Variants in SUGT1 observed in about 807,000 individuals in gnomAD.
SUGT1 encodes the protein SGT1 assembly cochaperone of MIS12 kinetochore complex.
A neutral mutation model predicts 56.1 loss-of-function variants in SUGT1; 15 were observed. The observed-to-expected ratio is 0.27, with a 90% CI of 0.18 to 0.41. SUGT1 has a LOEUF of 0.41. Ranked by LOEUF, SUGT1 falls within the 10% of genes least tolerant of loss-of-function variation. The pLI is 1.00. For missense variants in SUGT1, 347 were observed against 382.2 expected (o/e 0.91, Z 0.77); for synonymous variants, 123 against 128.6 (o/e 0.96, Z 0.30).
chr13:52,661,999 T>G (rs1298651905), intron 5 of SUGT1, among the ~76,000 whole-genome samples: 1 of 152,240 alleles, frequency 6.6e-6, no homozygotes, highest in African/African-American at 2.4e-5. Flanking sequence ...ATGTAATCAT[T>G]GTTCTGTGTC....
At chr13:52,665,848 T>G in intron 9 of SUGT1, 115 bp downstream of exon 9, 1 of 673,046 alleles carries the variant, frequency 1.5e-6, no homozygotes. Context: ...TGAGATGATT[T>G]GGAAAATGTT....
At chr13:52,666,496 T>G (rs1050123911) in intron 9 of SUGT1, among the ~76,000 whole-genome samples, 1 of 152,228 alleles carries the variant, frequency 6.6e-6, no homozygotes, top group Non-Finnish European at 1.5e-5. Context: ...CTTTTTGTTA[T>G]ATATCATTTT....
intron 11 of SUGT1, among the ~76,000 whole-genome samples, chr13:52,679,367 A>G (rs1334907846): frequency 2.6e-5 from 4 of 152,228 alleles, no homozygotes; most frequent in African/African-American, 9.6e-5. Context: ...TGAACTTTAG[A>G]TCATCAAGTG....
intron 10 of SUGT1, among the ~76,000 whole-genome samples, chr13:52,669,554 G>A (rs1166714858): frequency 6.6e-6 from 1 of 152,192 alleles, no homozygotes; most frequent in East Asian, 1.9e-4. Flanking sequence ...CCTGGCCTAG[G>A]AGACGTAGAT....
In SUGT1 at chr13:52,662,654, G is replaced by C; in HGVS notation, c.334G>C (p.Asp112His). ...FTEGQKLDSA[D>H]ANFSVWIKRC... Reference sequence around the variant, plus strand: ...AGTCAGTTTTTTCTTTCTAGGTGCAGATGCTAATTTCAGTGTCTGGATTAA... The same window carrying C: ...AGTCAGTTTTTTCTTTCTAGGTGCACATGCTAATTTCAGTGTCTGGATTAA... The change falls in exon 6 of 13, where the codon GAT (aspartate) becomes CAT (histidine). Residue 112 changes from aspartate to histidine, a missense_variant. Physicochemically the swap from Asp to His is moderately conservative, Grantham distance 81. Coordinates refer to ENST00000310528, the MANE Select transcript of SUGT1 (RefSeq NM_006704.5). 6.2e-7 allele frequency: 1 copy of C among 1,613,832 alleles called. No homozygotes were observed.
rs1335286266 is a variant in SUGT1, at chr13:52,695,332, A to T, written c.*7497A>T. Reference sequence around the variant, plus strand: ...AAAAATTATACTTCACCACAGAGACAGGTGTTGTTTTGTAATGGAAGGAGT... The same window carrying T: ...AAAAATTATACTTCACCACAGAGACTGGTGTTGTTTTGTAATGGAAGGAGT... On this transcript the variant is annotated 3_prime_UTR_variant, in exon 13 of 13. Transcript: ENST00000310528. 6.6e-6 allele frequency: 1 copy of T among 152,156 alleles called. No individual in the cohort carries two copies. The highest frequency in any genetic ancestry group is 1.5e-5 in the Non-Finnish European group (1 of 68,030). 9.4% of individuals were successfully genotyped at this position (152,156 alleles called of 1,614,324 possible). A position where few individuals can be genotyped will look rare whatever the true frequency, so the allele number is the denominator to read the frequency against.
chr13:52,673,195 T>G (rs1359526333), intron 10 of SUGT1, among the ~76,000 whole-genome samples: 1 of 152,104 alleles, frequency 6.6e-6, no homozygotes, highest in Non-Finnish European at 1.5e-5. Flanking sequence ...GAAAGTGAAT[T>G]AAATGTAAAA....
intron 7 of SUGT1, among the ~76,000 whole-genome samples, chr13:52,663,640 T>C (rs551035140): frequency 6.6e-6 from 1 of 152,350 alleles, no homozygotes; most frequent in East Asian, 1.9e-4. Context: ...GGCTAATTAC[T>C]CTGTTTCTTT....
At chr13:52,675,840 C>G (rs901770577) in intron 10 of SUGT1, among the ~76,000 whole-genome samples, 1 of 152,042 alleles carries the variant, frequency 6.6e-6, no homozygotes, top group African/African-American at 2.4e-5. Context: ...TAGTAGCAAC[C>G]GTGGTCTCTA....
intron 2 of SUGT1, among the ~76,000 whole-genome samples, chr13:52,655,490 G>A (rs190307806): frequency 6.6e-6 from 1 of 152,172 alleles, no homozygotes. Flanking sequence ...GAGGCACAAG[G>A]GATAGTGGAT....
At chr13:52,671,404 G>A (rs935462173) in intron 10 of SUGT1, among the ~76,000 whole-genome samples, 3 of 151,216 alleles carry the variant, frequency 2.0e-5, no homozygotes, top group African/African-American at 4.9e-5. Context: ...AAAGTATTTC[G>A]GCATATGCAT....
At position 52,695,879 on chromosome 13, in the gene SUGT1, C is replaced by A. The variant is rs1464076101; in HGVS notation, c.*8044C>A. The A allele has an allele frequency of 2.0e-5, 3 of 152,340 alleles. No individual in the cohort carries two copies. In the East Asian group the frequency reaches 5.8e-4, roughly 29 times the overall value. 9.4% of individuals were successfully genotyped at this position (152,340 alleles called of 1,614,324 possible). On this transcript the variant is annotated 3_prime_UTR_variant, in exon 13 of 13. Coordinates refer to ENST00000310528, the MANE Select transcript of SUGT1 (RefSeq NM_006704.5). ...CCTCCTGGGCATCTCCAGTTTCCTA[C>A]TGATGTGTCAAAACTGAGTTTGTAT...
Position 52,691,283 on chromosome 13 carries a change from T to C in SUGT1, c.*3448T>C, listed in dbSNP as rs1898282. ...ACAGGAGTGAGCCACCATGCCCAGT[T>C]ATGAACTTCAAGTAAATATTTAAAA... On this transcript the variant is annotated 3_prime_UTR_variant, in exon 13 of 13. Coordinates refer to ENST00000310528, the MANE Select transcript of SUGT1 (RefSeq NM_006704.5). 0.99 allele frequency: 151,205 copies of C among 152,342 alleles called. 75,038 individuals carry two copies. Among genetic ancestry groups the C allele is most frequent in the East Asian group, 1 (5,192 of 5,192 alleles). The allele number at this position is 152,342 out of a possible 1,614,324, so 9.4% of individuals were successfully genotyped here.
rs767110113 is a variant in SUGT1, at chr13:52,680,011, A to C, written c.756A>C (p.Thr252=). 1 of 1,600,832 alleles carries C rather than the reference A, an allele frequency of 6.2e-7. No individual in the cohort carries two copies. The highest frequency in any genetic ancestry group is 2.3e-5 in the East Asian group (1 of 44,364). ...TATATCCATCATCATCTCCTTATAC[A>C]AGAAATTGGGATAAATTGGTTGGTG... is the stretch of plus-strand genomic sequence containing the variant. The part of the protein sequence containing the change: ...KNLYPSSSPY[T]RNWDKLVGEI... The change falls in exon 12 of 13, where the codon ACA becomes ACC. Residue 252 remains threonine (T), a synonymous_variant. Coordinates refer to ENST00000310528, the MANE Select transcript of SUGT1 (RefSeq NM_006704.5).
Position 52,692,959 on chromosome 13 carries a change from T to A in SUGT1, c.*5124T>A, listed in dbSNP as rs962037377. On this transcript the variant is annotated 3_prime_UTR_variant, in exon 13 of 13. Transcript: ENST00000310528. The stretch of plus-strand genomic sequence containing the variant: ...TGCCAATGAAATTCTTTTTTTCCTT[T>A]AACTTGGGAGCTCTCATACCAGTTC... The A allele has an allele frequency of 2.6e-5, 4 of 152,186 alleles. No individual in the cohort carries two copies. Among genetic ancestry groups the A allele is most frequent in the African/African-American group, 9.6e-5 (4 of 41,454 alleles). 9.4% of individuals were successfully genotyped at this position (152,186 alleles called of 1,614,324 possible). A position where few individuals can be genotyped will look rare whatever the true frequency, so the allele number is the denominator to read the frequency against.
In SUGT1 at chr13:52,695,941, C is replaced by CT. The variant is rs1963917294; in HGVS notation, c.*8107dup. 6.6e-6 allele frequency: 1 copy of CT among 152,194 alleles called. No individual in the cohort carries two copies. Among genetic ancestry groups the CT allele is most frequent in the African/African-American group, 2.4e-5 (1 of 41,450 alleles). 9.4% of individuals were successfully genotyped at this position (152,194 alleles called of 1,614,324 possible). A position where few individuals can be genotyped will look rare whatever the true frequency, so the allele number is the denominator to read the frequency against. Reference sequence around the variant, plus strand: ...GAAAGCAGTCTAATCTTTTGCAACTCTGTTACTGACTTTTGTGGCATTGGA... The same window carrying CT: ...GAAAGCAGTCTAATCTTTTGCAACTCTTGTTACTGACTTTTGTGGCATTGGA... On this transcript the variant is annotated 3_prime_UTR_variant, in exon 13 of 13. Transcript: ENST00000310528.
intron 5 of SUGT1, among the ~76,000 whole-genome samples, chr13:52,660,741 G>T (rs1429244446): frequency 6.6e-6 from 1 of 152,222 alleles, no homozygotes; most frequent in Non-Finnish European, 1.5e-5. Context: ...AAGTTATGTA[G>T]TGCCTTGGTA....
intron 12 of SUGT1, among the ~76,000 whole-genome samples, chr13:52,683,559 T>A (rs544264071): frequency 6.6e-6 from 1 of 152,208 alleles, no homozygotes; most frequent in East Asian, 1.9e-4. Flanking sequence ...TAATTTTCTT[T>A]TTGTGCTATC....
chr13:52,671,245 A>G (rs1168830236), intron 10 of SUGT1, among the ~76,000 whole-genome samples: 1 of 152,050 alleles, frequency 6.6e-6, no homozygotes, highest in African/African-American at 2.4e-5. Context: ...AGTTTAAAAA[A>G]AGATCACAAA....
Sources: allele counts gnomAD v4.1 joint callset (sites outside exome capture counted in the v4.1 genomes callset), GRCh38; gene constraint gnomAD v4.1.1; transcripts MANE v1.5; gene names NCBI Gene and HGNC (gene_info 2026-07-23, HGNC 2026-07-21).